Variants in MAGI1 observed in about 807,000 individuals in gnomAD.
MAGI1 encodes membrane-associated guanylate kinase, WW and PDZ domain-containing protein 1.
In MAGI1, 58 loss-of-function variants were observed where a neutral mutation model predicts 139.9. That is an observed-to-expected ratio of 0.41 (90% CI 0.34 to 0.52). MAGI1 has a LOEUF of 0.52. MAGI1 is among the 20% of genes least tolerant of loss of function. The pLI is 0.12. For synonymous variants in MAGI1, 812 were observed against 737.9 expected (o/e 1.10, Z -1.63); for missense variants, 1,874 against 1,901.6 (o/e 0.99, Z 0.27).
At chr3:65,809,935 C>G (rs2041114125) in intron 1 of MAGI1, among the ~76,000 whole-genome samples, 1 of 151,974 alleles carries the variant, frequency 6.6e-6, no homozygotes, top group Non-Finnish European at 1.5e-5. Context: ...CCCAACTCTT[C>G]TCCCACTGCT....
At chr3:65,425,163 A>G (rs1470048277) in intron 12 of MAGI1, among the ~76,000 whole-genome samples, 1 of 149,568 alleles carries the variant, frequency 6.7e-6, no homozygotes, top group Non-Finnish European at 1.5e-5. Context: ...TAAACATCAT[A>G]CAATCTGTAC....
At chr3:65,834,556 T>C (rs1259641338) in intron 1 of MAGI1, among the ~76,000 whole-genome samples, 3 of 152,252 alleles carry the variant, frequency 2.0e-5, no homozygotes, top group Admixed American at 2.0e-4. Context: ...TATTCTACTT[T>C]TGTTGGGTGG....
chr3:65,508,132 G>A (rs371287835), intron 2 of MAGI1, among the ~76,000 whole-genome samples: 8 of 152,232 alleles, frequency 5.3e-5, no homozygotes, highest in Admixed American at 2.6e-4. Context: ...GGCCGGGCGC[G>A]GTGGCTCACG....
chr3:65,643,839 A>C (rs994431684), intron 1 of MAGI1, among the ~76,000 whole-genome samples: 2 of 152,308 alleles, frequency 1.3e-5, no homozygotes, highest in Middle Eastern at 3.4e-3. Flanking sequence ...TGGGGAGCTT[A>C]GAATTCCGCC....
At chr3:65,622,315 C>T (rs1398050526) in intron 1 of MAGI1, among the ~76,000 whole-genome samples, 5 of 152,158 alleles carry the variant, frequency 3.3e-5, no homozygotes, top group Admixed American at 3.3e-4. Flanking sequence ...TCCTATCTCA[C>T]ATAATACTAG....
intron 1 of MAGI1, among the ~76,000 whole-genome samples, chr3:65,866,963 A>T (rs1282605513): frequency 6.6e-6 from 1 of 152,182 alleles, no homozygotes; most frequent in African/African-American, 2.4e-5. Flanking sequence ...GAACTCAGCA[A>T]CATCCACCTA....
chr3:65,485,587 C>A (rs961289325), intron 3 of MAGI1, among the ~76,000 whole-genome samples: 1 of 152,258 alleles, frequency 6.6e-6, no homozygotes, highest in African/African-American at 2.4e-5. Context: ...TCCAATCAGG[C>A]CTGATGTTGT....
At chr3:65,714,266 C>T (rs2107661297) in intron 1 of MAGI1, among the ~76,000 whole-genome samples, 1 of 152,240 alleles carries the variant, frequency 6.6e-6, no homozygotes. Context: ...CCTGAATGTT[C>T]CTGCAAAGAA....
At chr3:65,485,247 T>A (rs987815903) in intron 3 of MAGI1, among the ~76,000 whole-genome samples, 7 of 152,318 alleles carry the variant, frequency 4.6e-5, no homozygotes, top group African/African-American at 1.7e-4. Flanking sequence ...TGCAATACTT[T>A]CTTTTTACTC....
intron 1 of MAGI1, among the ~76,000 whole-genome samples, chr3:65,834,112 C>A (rs1015037404): frequency 6.6e-6 from 1 of 152,112 alleles, no homozygotes; most frequent in African/African-American, 2.4e-5. Context: ...GATAGATAAA[C>A]AACAAAGGTA....
At chr3:65,603,035 T>C (rs1317691785) in intron 2 of MAGI1, among the ~76,000 whole-genome samples, 3 of 152,124 alleles carry the variant, frequency 2.0e-5, no homozygotes, top group Non-Finnish European at 4.4e-5. Context: ...GAAACTATCT[T>C]AAGAAGCAAT....
chr3:65,523,918 C>T (rs1227840914), intron 2 of MAGI1, among the ~76,000 whole-genome samples: 5 of 152,162 alleles, frequency 3.3e-5, no homozygotes, highest in African/African-American at 1.2e-4. Flanking sequence ...TGTCCTATTA[C>T]TGCTGTCACC....
At chr3:65,856,621 C>T (rs1052733228) in intron 1 of MAGI1, among the ~76,000 whole-genome samples, 6 of 152,184 alleles carry the variant, frequency 3.9e-5, no homozygotes, top group Admixed American at 2.6e-4. Flanking sequence ...CCAGGCTTTC[C>T]TCCCCTCCAT....
chr3:65,362,638 T>C (rs896421264), intron 21 of MAGI1, among the ~76,000 whole-genome samples: 2 of 152,228 alleles, frequency 1.3e-5, no homozygotes, highest in Non-Finnish European at 2.9e-5. Flanking sequence ...AGATTGTGGC[T>C]TAAGTGCAAG....
intron 2 of MAGI1, among the ~76,000 whole-genome samples, chr3:65,551,971 G>A (rs2079855512): frequency 6.6e-6 from 1 of 152,214 alleles, no homozygotes; most frequent in Non-Finnish European, 1.5e-5. Flanking sequence ...CTGATAAGAG[G>A]CAGAAAAGGA....
intron 1 of MAGI1, among the ~76,000 whole-genome samples, chr3:65,957,719 C>CG (rs1396350930): frequency 1.3e-4 from 19 of 151,944 alleles, no homozygotes; most frequent in Admixed American, 1.2e-3. Flanking sequence ...CGAGCCTACC[C>CG]GGGGGCTTCC....
chr3:65,854,437 G>A (rs1468541710), intron 1 of MAGI1, among the ~76,000 whole-genome samples: 2 of 152,164 alleles, frequency 1.3e-5, no homozygotes, highest in Admixed American at 1.3e-4. Context: ...GGTGCATGAG[G>A]CAATAATGTG....
chr3:65,841,858 G>C (rs1042422875), intron 1 of MAGI1, among the ~76,000 whole-genome samples: 5 of 152,106 alleles, frequency 3.3e-5, no homozygotes, highest in Admixed American at 2.6e-4. Context: ...GAAATTTAGA[G>C]AATAAAAAAC....
At chr3:65,798,498 G>A (rs975835089) in intron 1 of MAGI1, among the ~76,000 whole-genome samples, 1 of 152,112 alleles carries the variant, frequency 6.6e-6, no homozygotes, top group Non-Finnish European at 1.5e-5. Flanking sequence ...GTAGGCCTCG[G>A]GCCAAGATAG....
Sources: gnomAD v4.1 joint callset for allele counts (sites outside exome capture counted in the v4.1 genomes callset) on GRCh38, gnomAD v4.1.1 for gene constraint, MANE v1.5 for transcripts, NCBI Gene and HGNC (gene_info 2026-07-23, HGNC 2026-07-21) for gene names.